RHOD: variants seen among roughly 807,000 people sequenced by gnomAD.
The protein encoded by RHOD is rho-related GTP-binding protein RhoD.
A neutral mutation model predicts 16.7 loss-of-function variants in RHOD; 11 were observed. The ratio of observed to expected loss-of-function variants is 0.66; its 90% CI spans 0.41 to 1.09. The LOEUF is 1.09. Ranked by LOEUF, RHOD falls within the 50% of genes least tolerant of loss-of-function variation. RHOD has a pLI of 0.00. For missense variants in RHOD, 271 were observed against 291.7 expected, an observed-to-expected ratio of 0.93 and a Z score of 0.52; for synonymous variants, 124 against 126.3, an observed-to-expected ratio of 0.98 and a Z score of 0.12.
intron 3 of RHOD, among the ~76,000 whole-genome samples, chr11:67,068,090 C>A (rs1332092464): frequency 6.6e-6 from 1 of 152,176 alleles, no homozygotes; most frequent in East Asian, 1.9e-4. Context: ...TGAGCCACCA[C>A]GCCCAGCCTG....
At chr11:67,071,413 C>G in intron 4 of RHOD, 22 bp from the exon 5 acceptor site, 1 of 1,565,416 alleles carries the variant, frequency 6.4e-7, no homozygotes, top group Non-Finnish European at 8.7e-7. Flanking sequence ...TTCACCGCAG[C>G]CCCATCCACC....
intron 1 of RHOD, among the ~76,000 whole-genome samples, chr11:67,064,679 C>A (rs77089618): frequency 1.3e-5 from 2 of 152,142 alleles, no homozygotes; most frequent in East Asian, 3.9e-4. Context: ...GGTGAATGAA[C>A]AAATGAACAA....
intron 1 of RHOD, 44 bp from the exon 2 acceptor site, chr11:67,065,852 C>A: frequency 7.1e-7 from 1 of 1,399,730 alleles, no homozygotes; most frequent in Non-Finnish European, 1.0e-6. Context: ...CCCAGTGCCT[C>A]TCCGAAGCCT....
chr11:67,063,288 C>T (rs1473809738), intron 1 of RHOD, among the ~76,000 whole-genome samples: 1 of 151,780 alleles, frequency 6.6e-6, no homozygotes, highest in Non-Finnish European at 1.5e-5. Flanking sequence ...TTCAGGAGTT[C>T]GAGACCAGCC....
In RHOD at chr11:67,057,013, C is replaced by A. The variant is rs1422192685; in HGVS notation, c.111C>A (p.Phe37Leu). ...GCGKTSLLMV[F>L]ADGAFPESYT... Reference sequence around the variant, plus strand: ...GGAAGACGTCGCTGCTGATGGTCTTCGCCGATGGGGCCTTCCCCGAGGTGA... The same window carrying A: ...GGAAGACGTCGCTGCTGATGGTCTTAGCCGATGGGGCCTTCCCCGAGGTGA... Residue 37 changes from phenylalanine (F) to leucine (L), a missense_variant, in exon 1 of 5, where the codon TTC becomes TTA. Transcript: ENST00000308831. 1 of 1,502,612 alleles carries A rather than the reference C, an allele frequency of 6.7e-7. No individual in the cohort carries two copies. Among genetic ancestry groups the A allele is most frequent in the South Asian group, 1.3e-5 (1 of 78,802 alleles). The allele number at this position is 1,502,612 out of a possible 1,614,324, so 93.1% of individuals were successfully genotyped here. A position where few individuals can be genotyped will look rare whatever the true frequency, so the allele number is the denominator to read the frequency against.
intron 1 of RHOD, among the ~76,000 whole-genome samples, chr11:67,061,706 C>T (rs1854889011): frequency 1.1e-5 from 1 of 92,386 alleles, no homozygotes; most frequent in Admixed American, 1.3e-4. Context: ...TGCACTCCAG[C>T]CTGTCCAGGA....
At chr11:67,058,782 C>T (rs1397119501) in intron 1 of RHOD, among the ~76,000 whole-genome samples, 1 of 152,226 alleles carries the variant, frequency 6.6e-6, no homozygotes, top group Non-Finnish European at 1.5e-5. Flanking sequence ...GTGCTTTCTG[C>T]TGCAGTGGCA....
rs1335596137 is a variant in RHOD, at chr11:67,071,784, C to CCT, written c.*183_*184dup. 1 of 625,622 alleles carries CCT rather than the reference C, an allele frequency of 1.6e-6. No individual in the cohort carries two copies. The highest frequency in any genetic ancestry group is 1.9e-5 in the African/African-American group (1 of 53,288). 38.8% of individuals were successfully genotyped at this position (625,622 alleles called of 1,614,324 possible). A position where few individuals can be genotyped will look rare whatever the true frequency, so the allele number is the denominator to read the frequency against. On this transcript the variant is annotated 3_prime_UTR_variant, in exon 5 of 5. Coordinates refer to ENST00000308831, the MANE Select transcript of RHOD (RefSeq NM_014578.4). ...CTGAGAAAGGGGGTTCCTGGGCCCACCTGCTCTGTGTAGGGCTCGTCCTGC... is the reference window on the plus strand; with the variant it reads ...CTGAGAAAGGGGGTTCCTGGGCCCACCTCTGCTCTGTGTAGGGCTCGTCCTGC...
chr11:67,063,800 C>CAAA (rs71045978), intron 1 of RHOD, among the ~76,000 whole-genome samples: 11 of 37,934 alleles, frequency 2.9e-4, no homozygotes, highest in Admixed American at 8.3e-4. Context: ...GACTCTCTCT[C>CAAA]AAAAAAAAAA....
intron 3 of RHOD, among the ~76,000 whole-genome samples, chr11:67,069,203 A>G (rs1406194452): frequency 6.6e-6 from 1 of 151,998 alleles, no homozygotes; most frequent in Non-Finnish European, 1.5e-5. Context: ...GCTCCTGGAG[A>G]TAGGAAGCCC....
Position 67,056,872 on chromosome 11 carries a change from C to G in RHOD, c.-31C>G. The G allele has an allele frequency of 7.4e-7, 1 of 1,356,350 alleles. No homozygotes were observed. The highest frequency in any genetic ancestry group is 9.4e-7 in the Non-Finnish European group (1 of 1,065,362). The allele number at this position is 1,356,350 out of a possible 1,614,324, so 84.0% of individuals were successfully genotyped here. ...AGTCTGGGTCTCTGCGCCGCAGCCG[C>G]CCGCCCGCCCGCTCAGCGCCCGGCC... On this transcript the variant is annotated 5_prime_UTR_variant, in exon 1 of 5. Transcript: ENST00000308831.
chr11:67,062,247 ATCC>A (rs2136246006), intron 1 of RHOD, among the ~76,000 whole-genome samples: 1 of 152,170 alleles, frequency 6.6e-6, no homozygotes, highest in East Asian at 1.9e-4. Context: ...CTGCCAGTCC[ATCC>A]TCCCTCCCAC....
rs368303867 is a variant in RHOD, at chr11:67,071,472, A to G, written c.503A>G (p.Tyr168Cys). ...GCGAGGTCCGTGGGCGCGGTGGCCT[A>G]CCTCGAGTGCTCGGCTCGGCTCCAT... is the stretch of plus-strand genomic sequence containing the variant. The part of the protein sequence containing the change: ...EMARSVGAVA[Y>C]LECSARLHDN... Residue 168 changes from tyrosine (Y) to cysteine (C), a missense_variant, in exon 5 of 5, where the codon TAC becomes TGC. Tyr to Cys is a radical substitution (Grantham distance 194, BLOSUM62 -2). Coordinates refer to ENST00000308831, the MANE Select transcript of RHOD (RefSeq NM_014578.4). The G allele has an allele frequency of 3.3e-5, 53 of 1,605,820 alleles. No individual in the cohort carries two copies. Among genetic ancestry groups the G allele is most frequent in the East Asian group, 1.8e-4 (8 of 44,738 alleles).
At chr11:67,058,986 C>T (rs1203524372) in intron 1 of RHOD, among the ~76,000 whole-genome samples, 3 of 152,114 alleles carry the variant, frequency 2.0e-5, no homozygotes, top group East Asian at 1.9e-4. Context: ...ACCTGATGGG[C>T]GGGGGCTGGA....
chr11:67,064,330 T>G (rs1190585837), intron 1 of RHOD, among the ~76,000 whole-genome samples: 1 of 134,322 alleles, frequency 7.4e-6, no homozygotes, highest in East Asian at 2.2e-4. Flanking sequence ...GGCGTGAACC[T>G]GGGAGGCGGA....
chr11:67,061,782 G>GTGTGTGTATATATATATA (rs1854892393), intron 1 of RHOD, among the ~76,000 whole-genome samples: 1 of 144,938 alleles, frequency 6.9e-6, no homozygotes, highest in African/African-American at 2.6e-5. Context: ...ATATGTGTGT[G>GTGTGTGTATATATATATA]TGTGTGTGTA....
chr11:67,067,960 CG>C (rs1854979622), intron 3 of RHOD, among the ~76,000 whole-genome samples: 1 of 152,102 alleles, frequency 6.6e-6, no homozygotes, highest in Admixed American at 6.6e-5. Context: ...CCACCACGCC[CG>C]GCTAATTTTT....
Position 67,070,462 on chromosome 11 carries a change from C to T in RHOD, c.368C>T (p.Pro123Leu), listed in dbSNP as rs1345888094. The stretch of plus-strand genomic sequence containing the variant: ...GTGAATCATTTCTGCAAGAAGGTAC[C>T]CATCATCGTCGTGGGCTGCAAGACT... ...PEVNHFCKKVPIIVVGCKTDL... is the reference protein window; with the variant it reads ...PEVNHFCKKVLIIVVGCKTDL... The change falls in exon 4 of 5, where the codon CCC becomes CTC. Residue 123 changes from proline to leucine, a missense_variant. Coordinates refer to ENST00000308831, the MANE Select transcript of RHOD (RefSeq NM_014578.4). The T allele has an allele frequency of 1.9e-6, 3 of 1,613,962 alleles. No individual in the cohort carries two copies. The highest frequency in any genetic ancestry group is 4.5e-5 in the East Asian group (2 of 44,878).
At position 67,064,510 on chromosome 11, in the gene RHOD, C is replaced by A. The variant is rs917738987; in HGVS notation, c.133-1386C>A. 2.0e-5 allele frequency among the ~76,000 whole-genome samples: 3 copies of A among 151,730 alleles called. No homozygotes were observed. In the South Asian group the frequency reaches 6.3e-4, roughly 32 times the overall value. Reference sequence around the variant, plus strand: ...AGGCATCCCAGAAAGGTGAAGGTAGCATTTAATAGTGGTCTTGTTTGGATT... The same window carrying A: ...AGGCATCCCAGAAAGGTGAAGGTAGAATTTAATAGTGGTCTTGTTTGGATT... On this transcript the variant is annotated intron_variant, in intron 1 of 4. Coordinates refer to ENST00000308831, the MANE Select transcript of RHOD (RefSeq NM_014578.4).
Sources: gnomAD v4.1 joint callset for allele counts (sites outside exome capture counted in the v4.1 genomes callset) on GRCh38, gnomAD v4.1.1 for gene constraint, MANE v1.5 for transcripts, NCBI Gene and HGNC (gene_info 2026-07-23, HGNC 2026-07-21) for gene names.